THADA: variants seen among roughly 807,000 people sequenced by gnomAD.
THADA encodes the protein tRNA (32-2'-O)-methyltransferase regulator THADA.
In THADA, 213 loss-of-function variants were observed where a neutral mutation model predicts 219.8. That is an observed-to-expected ratio of 0.97 (90% CI 0.87 to 1.09). The LOEUF is 1.09. Ranked by LOEUF, THADA falls within the 50% of genes least tolerant of loss-of-function variation. The pLI is 0.00. For missense variants in THADA, 2,956 were observed against 2,311.3 expected (o/e 1.28, Z -5.72); for synonymous variants, 1,018 against 828.9 (o/e 1.23, Z -3.92).
chr2:43,554,176 A>G (rs1326905844), intron 17 of THADA, among the ~76,000 whole-genome samples: 3 of 152,188 alleles, frequency 2.0e-5, no homozygotes, highest in African/African-American at 7.2e-5. Context: ...ATAACTAACC[A>G]TTGGTTAACC....
chr2:43,418,672 G>C (rs12991732), intron 28 of THADA, among the ~76,000 whole-genome samples: 36,695 of 151,964 alleles, frequency 0.24, 4,540 homozygotes, highest in South Asian at 0.32. Flanking sequence ...GTAAGTGTAG[G>C]TGAGTGATAA....
chr2:43,235,592 T>G (rs904325890), intron 36 of THADA, among the ~76,000 whole-genome samples: 1 of 151,930 alleles, frequency 6.6e-6, no homozygotes. Flanking sequence ...GTACCTGGCC[T>G]CCCACCACTT....
intron 17 of THADA, chr2:43,556,043 G>T: frequency 2.2e-6 from 1 of 453,778 alleles, no homozygotes; most frequent in Non-Finnish European, 3.1e-6. Context: ...TCTAGTCACA[G>T]TATAATTTAT....
intron 9 of THADA, among the ~76,000 whole-genome samples, chr2:43,578,097 G>A (rs1289098605): frequency 4.0e-5 from 6 of 150,952 alleles, no homozygotes; most frequent in Non-Finnish European, 7.4e-5. Flanking sequence ...GTCATCAGAA[G>A]GAACCAGACA....
At chr2:43,444,135 G>A (rs181747704) in intron 26 of THADA, among the ~76,000 whole-genome samples, 1 of 152,170 alleles carries the variant, frequency 6.6e-6, no homozygotes, top group East Asian at 1.9e-4. Flanking sequence ...AAATCACCAC[G>A]AACTTACCAA....
intron 22 of THADA, among the ~76,000 whole-genome samples, chr2:43,511,165 T>A (rs941794419): frequency 7.2e-5 from 11 of 152,132 alleles, no homozygotes; most frequent in Non-Finnish European, 7.4e-5. Flanking sequence ...TTATAGATAA[T>A]GCTACAGTCT....
intron 25 of THADA, among the ~76,000 whole-genome samples, chr2:43,496,062 A>T (rs1381545591): frequency 6.6e-6 from 1 of 152,192 alleles, no homozygotes; most frequent in African/African-American, 2.4e-5. Context: ...CTTACTCTCA[A>T]TTAGAGGCTT....
At chr2:43,365,566 G>GACTCAC (rs1553411051) in intron 29 of THADA, among the ~76,000 whole-genome samples, 1 of 143,516 alleles carries the variant, frequency 7.0e-6, no homozygotes. Flanking sequence ...GCAAGACTCT[G>GACTCAC]ACACACACAC....
rs181182970 is a variant in THADA, at chr2:43,571,337, C to T, written c.2064+370G>A. Reference sequence around the variant, plus strand: ...TACAATCTCGGCTCACTGCAACCTCCGCTCCTAGGTTCAAGCAATTCTCCT... The same window carrying T: ...TACAATCTCGGCTCACTGCAACCTCTGCTCCTAGGTTCAAGCAATTCTCCT... On this transcript the variant is annotated intron_variant, in intron 13 of 37. Coordinates refer to ENST00000405975, the MANE Select transcript of THADA (RefSeq NM_022065.5). 3.0e-3 allele frequency among the ~76,000 whole-genome samples: 452 copies of T among 151,250 alleles called. 15 individuals carry two copies. The highest frequency in any genetic ancestry group is 0.029 in the Admixed American group (444 of 15,176).
intron 26 of THADA, among the ~76,000 whole-genome samples, chr2:43,444,788 G>C (rs527341268): frequency 2.0e-5 from 3 of 152,022 alleles, no homozygotes; most frequent in South Asian, 4.1e-4. Context: ...TATCATTCTC[G>C]ATCATCTCAG....
intron 6 of THADA, 103 bp from the exon 7 acceptor site, chr2:43,586,552 T>C (rs1701046163): frequency 7.5e-7 from 1 of 1,328,954 alleles, no homozygotes; most frequent in Non-Finnish European, 1.0e-6. Flanking sequence ...GATATCATGA[T>C]ATGGAAACAA....
intron 26 of THADA, among the ~76,000 whole-genome samples, chr2:43,462,430 G>C (rs1267015529): frequency 6.6e-6 from 1 of 152,042 alleles, no homozygotes; most frequent in Non-Finnish European, 1.5e-5. Flanking sequence ...GTAAAGTCAA[G>C]GTAAACATTT....
At chr2:43,251,408 C>T (rs1011195181) in intron 36 of THADA, among the ~76,000 whole-genome samples, 1 of 152,232 alleles carries the variant, frequency 6.6e-6, no homozygotes, top group Non-Finnish European at 1.5e-5. Context: ...CAGAGCAGCA[C>T]TCTTGGAAGA....
intron 26 of THADA, among the ~76,000 whole-genome samples, chr2:43,431,528 C>G (rs569593694): frequency 0.013 from 1,937 of 150,740 alleles, 19 homozygotes; most frequent in Non-Finnish European, 0.02. Flanking sequence ...TGCAGTGGTG[C>G]GATCTCGGCT....
intron 26 of THADA, among the ~76,000 whole-genome samples, chr2:43,432,151 C>T (rs999235613): frequency 5.4e-5 from 8 of 147,052 alleles, no homozygotes; most frequent in Non-Finnish European, 7.4e-5. Context: ...CCACCGCGCC[C>T]GGCCAATTTT....
At chr2:43,324,493 C>G (rs967629519) in intron 30 of THADA, among the ~76,000 whole-genome samples, 3 of 152,226 alleles carry the variant, frequency 2.0e-5, no homozygotes, top group African/African-American at 4.8e-5. Flanking sequence ...TGAGATGACT[C>G]TGAGTGAAAT....
intron 16 of THADA, among the ~76,000 whole-genome samples, chr2:43,559,657 T>C (rs1284142637): frequency 1.3e-5 from 2 of 152,110 alleles, no homozygotes; most frequent in African/African-American, 4.8e-5. Flanking sequence ...CCACCTTTAA[T>C]TCCTACCCCA....
chr2:43,432,931 T>C (rs1390043729), intron 26 of THADA, among the ~76,000 whole-genome samples: 2 of 152,226 alleles, frequency 1.3e-5, no homozygotes, highest in Non-Finnish European at 2.9e-5. Context: ...TGCCAACTTA[T>C]TTAATAATGT....
chr2:43,433,778 C>T (rs1192613001), intron 26 of THADA, among the ~76,000 whole-genome samples: 1 of 152,070 alleles, frequency 6.6e-6, no homozygotes, highest in Non-Finnish European at 1.5e-5. Flanking sequence ...ACCTCTGCCT[C>T]CTAGGTTCAA....
Sources: gnomAD v4.1 joint callset for allele counts (sites outside exome capture counted in the v4.1 genomes callset) on GRCh38, gnomAD v4.1.1 for gene constraint, MANE v1.5 for transcripts, NCBI Gene and HGNC (gene_info 2026-07-23, HGNC 2026-07-21) for gene names.